Variants in PCBP3 observed in about 807,000 individuals in gnomAD.
PCBP3 encodes the protein poly(rC) binding protein 3.
Under a neutral mutation model 52.7 loss-of-function variants are expected in PCBP3, and 25 were observed. That is an observed-to-expected ratio of 0.47 (90% CI 0.35 to 0.66). PCBP3 has a LOEUF of 0.66. PCBP3 is among the 30% of genes least tolerant of loss of function. PCBP3 has a pLI of 0.01. For synonymous variants in PCBP3, 162 were observed against 183.0 expected (o/e 0.89, Z 0.93); for missense variants, 391 against 490.3 (o/e 0.80, Z 1.91).
intron 4 of PCBP3, chr21:45,761,636 GTTTC>G (rs548360297): frequency 6.6e-6 from 1 of 152,270 alleles, no homozygotes; most frequent in Non-Finnish European, 1.5e-5. Context: ...CTCAAATACT[GTTTC>G]TTTGTTACTC....
intron 2 of PCBP3, among the ~76,000 whole-genome samples, chr21:45,721,329 C>T (rs1318339744): frequency 6.7e-6 from 1 of 148,342 alleles, no homozygotes; most frequent in South Asian, 2.2e-4. Context: ...ATAAGAATCG[C>T]TTGAACCCAG....
intron 4 of PCBP3, among the ~76,000 whole-genome samples, chr21:45,844,243 C>T (rs778493816): frequency 1.9e-4 from 29 of 151,942 alleles, no homozygotes; most frequent in Non-Finnish European, 3.4e-4. Context: ...AATGCTTTGC[C>T]GTCTTGGTGA....
At chr21:45,871,951 C>T (rs1569394819) in intron 5 of PCBP3, 1 of 152,332 alleles carries the variant, frequency 6.6e-6, no homozygotes. Context: ...CAGAGGCCTC[C>T]GTCCCCCCAG....
intron 1 of PCBP3, among the ~76,000 whole-genome samples, chr21:45,654,823 G>C (rs2079912840): frequency 6.6e-6 from 1 of 152,048 alleles, no homozygotes; most frequent in Non-Finnish European, 1.5e-5. Flanking sequence ...CATAATTCCA[G>C]AACATTTTCT....
At chr21:45,670,973 G>A (rs1345261949) in intron 2 of PCBP3, among the ~76,000 whole-genome samples, 1 of 152,152 alleles carries the variant, frequency 6.6e-6, no homozygotes, top group African/African-American at 2.4e-5. Flanking sequence ...AGTCCAGCTG[G>A]CAGATGAGAG....
intron 2 of PCBP3, among the ~76,000 whole-genome samples, chr21:45,674,279 A>G (rs765610634): frequency 6.6e-6 from 1 of 152,216 alleles, no homozygotes; most frequent in Non-Finnish European, 1.5e-5. Flanking sequence ...CTTCAAAACA[A>G]CCCTTGTTGT....
chr21:45,685,014 G>T (rs983178614), intron 2 of PCBP3, among the ~76,000 whole-genome samples: 1 of 152,156 alleles, frequency 6.6e-6, no homozygotes. Flanking sequence ...ATATCCCTGT[G>T]ACTGTCTACC....
chr21:45,792,559 C>G (rs1027294072), intron 4 of PCBP3, among the ~76,000 whole-genome samples: 1 of 152,218 alleles, frequency 6.6e-6, no homozygotes, highest in Non-Finnish European at 1.5e-5. Context: ...GAACCAGAAT[C>G]TCCAGAAAAG....
chr21:45,773,086 G>C (rs2090002480), intron 4 of PCBP3, among the ~76,000 whole-genome samples: 1 of 152,000 alleles, frequency 6.6e-6, no homozygotes, highest in Non-Finnish European at 1.5e-5. Flanking sequence ...ATTTAATATA[G>C]TTCCATTTGT....
At chr21:45,758,136 G>A (rs775528531) in intron 4 of PCBP3, among the ~76,000 whole-genome samples, 3 of 152,198 alleles carry the variant, frequency 2.0e-5, no homozygotes, top group African/African-American at 7.2e-5. Flanking sequence ...CAATCTGCCC[G>A]CCTTGGCCTC....
At chr21:45,879,718 C>G (rs1001588506) in intron 5 of PCBP3, among the ~76,000 whole-genome samples, 1 of 150,980 alleles carries the variant, frequency 6.6e-6, no homozygotes, top group African/African-American at 2.4e-5. Flanking sequence ...AAATAATGCC[C>G]TAGTCAAAGA....
intron 4 of PCBP3, among the ~76,000 whole-genome samples, chr21:45,832,024 T>G (rs2093462754): frequency 6.6e-6 from 1 of 152,178 alleles, no homozygotes; most frequent in African/African-American, 2.4e-5. Flanking sequence ...GCAAGTAGAT[T>G]AAGAAGGTAA....
In PCBP3 at chr21:45,735,960, CA is replaced by C. The variant is rs1445363515; in HGVS notation, c.-162+533del. 1.3e-5 allele frequency among the ~76,000 whole-genome samples: 2 copies of C among 152,276 alleles called. No individual in the cohort carries two copies. The highest frequency in any genetic ancestry group is 2.4e-5 in the African/African-American group (1 of 41,480). ...CACAGAGGCACTCACCTGTCTCACA[CA>C]ATGCACTGTGGTCCCAATTCTAGTT... On this transcript the variant is annotated intron_variant, in intron 3 of 17. Coordinates refer to ENST00000681687, the MANE Select transcript of PCBP3 (RefSeq NM_001384156.1). The surrounding 1 kb of genome is among the most constrained non-coding windows in gnomAD (Gnocchi z 4.0).
chr21:45,802,143 G>T lies in PCBP3; in HGVS notation c.-126+46691G>T, dbSNP rs1217760258. ...CCCTTGGATGCCATCCTGGGCAGAG[G>T]CCTTGGCCCAGTGCAAGCTCTTTCT... is the stretch of plus-strand genomic sequence containing the variant. On this transcript the variant is annotated intron_variant, in intron 4 of 17. Transcript: ENST00000681687. The surrounding 1 kb of genome is among the most constrained non-coding windows in gnomAD (Gnocchi z 5.1). 2.0e-5 allele frequency among the ~76,000 whole-genome samples: 3 copies of T among 152,194 alleles called. No individual in the cohort carries two copies. Among genetic ancestry groups the T allele is most frequent in the Admixed American group, 6.5e-5 (1 of 15,286 alleles).
At chr21:45,687,121 T>C (rs756856410) in intron 2 of PCBP3, among the ~76,000 whole-genome samples, 2 of 152,036 alleles carry the variant, frequency 1.3e-5, no homozygotes, top group Non-Finnish European at 2.9e-5. Flanking sequence ...GGCAGAAATA[T>C]AAGAATGAAT....
At chr21:45,738,122 C>T (rs1321777645) in intron 3 of PCBP3, among the ~76,000 whole-genome samples, 1 of 152,124 alleles carries the variant, frequency 6.6e-6, no homozygotes, top group East Asian at 1.9e-4. Flanking sequence ...CACTCCTAGC[C>T]CCATGTAGGG....
At chr21:45,836,640 T>A (rs563505934) in intron 4 of PCBP3, among the ~76,000 whole-genome samples, 1 of 152,114 alleles carries the variant, frequency 6.6e-6, no homozygotes, top group South Asian at 2.1e-4. Context: ...TGAACAGCCG[T>A]GACCCCAGGA....
intron 2 of PCBP3, among the ~76,000 whole-genome samples, chr21:45,686,753 A>G (rs960938995): frequency 5.3e-5 from 8 of 152,224 alleles, no homozygotes; most frequent in Non-Finnish European, 1.2e-4. Flanking sequence ...AATAAATATC[A>G]GAAATGAAAA....
At chr21:45,872,734 G>A (rs1569397962) in intron 5 of PCBP3, 1 of 152,164 alleles carries the variant, frequency 6.6e-6, no homozygotes, top group African/African-American at 2.4e-5. Flanking sequence ...CTGTGGCAAG[G>A]GCTGTCTGTG....
Sources: allele counts gnomAD v4.1 joint callset (sites outside exome capture counted in the v4.1 genomes callset), GRCh38; gene constraint gnomAD v4.1.1; non-coding constraint Gnocchi (gnomAD v3.1); transcripts MANE v1.5; gene names NCBI Gene and HGNC (gene_info 2026-07-23, HGNC 2026-07-21).